PACC1: variants seen among roughly 807,000 people sequenced by gnomAD.
PACC1 encodes proton activated chloride channel 1, also known as proton-activated chloride channel.
PACC1 carries 34 observed loss-of-function variants against 39.7 expected under a neutral mutation model. The observed-to-expected ratio is 0.86, with a 90% CI of 0.65 to 1.14. The LOEUF (loss-of-function observed/expected upper bound fraction) is 1.14, where lower values mean the gene tolerates loss of function less well. Among genes scored for constraint, PACC1 ranks in the 50% most tolerant of loss-of-function variants. The pLI is 0.00. For synonymous variants in PACC1, 127 were observed against 160.6 expected, an observed-to-expected ratio of 0.79 and a Z score of 1.58; for missense variants, 379 against 436.4, an observed-to-expected ratio of 0.87 and a Z score of 1.17.
At chr1:212,366,859 G>C (rs561439526) in intron 7 of PACC1, among the ~76,000 whole-genome samples, 10 of 152,258 alleles carry the variant, frequency 6.6e-5, no homozygotes, top group African/African-American at 2.4e-4. Context: ...AGTGGTAGTG[G>C]GTGATAGCAG....
At chr1:212,407,798 G>C (rs1444719229) in intron 2 of PACC1, among the ~76,000 whole-genome samples, 2 of 152,176 alleles carry the variant, frequency 1.3e-5, no homozygotes, top group African/African-American at 4.8e-5. Flanking sequence ...ATGTAGGCCA[G>C]GTGCGGTGGC....
chr1:212,370,136 ATACTC>A (rs1422806343), intron 7 of PACC1, among the ~76,000 whole-genome samples: 1 of 152,226 alleles, frequency 6.6e-6, no homozygotes, highest in Non-Finnish European at 1.5e-5. Context: ...GATTTAAACT[ATACTC>A]TAGACCAAAT....
chr1:212,407,966 T>A (rs948000457), intron 2 of PACC1, among the ~76,000 whole-genome samples: 1 of 149,864 alleles, frequency 6.7e-6, no homozygotes, highest in Non-Finnish European at 1.5e-5. Flanking sequence ...CCCAGCTACT[T>A]GGGAGGCTGA....
rs566688305 is a variant in PACC1, at chr1:212,375,127, T to TCTATCATAATCTTAAATAATA, written c.891+45_891+65dup. 105 of 1,276,850 alleles carry TCTATCATAATCTTAAATAATA rather than the reference T, an allele frequency of 8.2e-5. No homozygotes were observed. The African/African-American group carries it at 9.7e-4, about 12-fold the overall frequency. 79.1% of individuals were successfully genotyped at this position (1,276,850 alleles called of 1,614,324 possible). A position where few individuals can be genotyped will look rare whatever the true frequency, so the allele number is the denominator to read the frequency against. ...CAGCATCATAATCTTAAATAATACA[T>TCTATCATAATCTTAAATAATA]CTATCATAATCTTAAATAATACTAT... On this transcript the variant is annotated intron_variant, in intron 7 of 7. Transcript: ENST00000261455.
At chr1:212,395,328 C>A (rs1086895) in intron 2 of PACC1, among the ~76,000 whole-genome samples, 120,117 of 152,094 alleles carry the variant, frequency 0.79, 48,460 homozygotes, top group African/African-American at 0.94. Flanking sequence ...CAAAAACAAG[C>A]AATGGGGAAA....
chr1:212,385,528 G>C, intron 3 of PACC1, 103 bp from the exon 4 acceptor site: 2 of 1,244,322 alleles, frequency 1.6e-6, no homozygotes, highest in Non-Finnish European at 2.3e-6. Flanking sequence ...GGACTCCCTG[G>C]AGGACTGCAG....
intron 2 of PACC1, among the ~76,000 whole-genome samples, chr1:212,392,655 G>C (rs1234969711): frequency 6.6e-6 from 1 of 151,832 alleles, no homozygotes; most frequent in Non-Finnish European, 1.5e-5. Flanking sequence ...AAATTGGATA[G>C]TCAAGACCCA....
intron 7 of PACC1, among the ~76,000 whole-genome samples, chr1:212,371,241 CAAA>C (rs1189603478): frequency 2.3e-5 from 2 of 88,796 alleles, no homozygotes; most frequent in Admixed American, 1.2e-4. Flanking sequence ...GACTCCATTT[CAAA>C]AAAAAAAAAA....
chr1:212,410,388 T>G lies in PACC1; in HGVS notation c.133+37A>C, dbSNP rs199889593. On this transcript the variant is annotated intron_variant, in intron 2 of 7. Transcript: ENST00000261455. ...AGGCGCCTAGACTGGGGTGTCCAGC[T>G]GCAGCAACAGCACAGCAAAGCACCA... 6.3e-6 allele frequency: 10 copies of G among 1,597,706 alleles called. No homozygotes were observed. The Admixed American group carries it at 1.7e-4, about 27-fold the overall frequency.
In PACC1 at chr1:212,387,093, G is replaced by A; in HGVS notation, c.141C>T (p.Asp47=). The stretch of plus-strand genomic sequence containing the variant: ...GGATGCTGCTGGAGGCGGACTCGCT[G>A]TCCAGGCCTGACAACAACAAAACAC... The part of the protein sequence containing the change: ...VQGPGILPGL[D]SESASSSIRF... The change falls in exon 3 of 8, where the codon GAC becomes GAT. Residue 47 remains aspartate, a synonymous_variant. Coordinates refer to ENST00000261455, the MANE Select transcript of PACC1 (RefSeq NM_018252.3). The A allele has an allele frequency of 6.2e-7, 1 of 1,613,724 alleles. No homozygotes were observed. The highest frequency in any genetic ancestry group is 1.3e-5 in the African/African-American group (1 of 75,032).
rs1363273606 is a variant in PACC1, at chr1:212,410,468, C to T, written c.90G>A (p.Gln30=). The T allele has an allele frequency of 6.2e-7, 1 of 1,614,110 alleles. No individual in the cohort carries two copies. Among genetic ancestry groups the T allele is most frequent in the Non-Finnish European group, 8.5e-7 (1 of 1,180,028 alleles). ...VVENSELADE[Q]DKETVRVQGP... ...CTTGGACTCTGACCGTCTCCTTGTC[C>T]TGCTCGTCTGCCAGCTCTGAGTTCT... The change falls in exon 2 of 8, where the codon CAG becomes CAA. Residue 30 remains glutamine, a synonymous_variant. Coordinates refer to ENST00000261455, the MANE Select transcript of PACC1 (RefSeq NM_018252.3).
intron 2 of PACC1, among the ~76,000 whole-genome samples, chr1:212,401,293 G>C (rs1661700408): frequency 6.6e-6 from 1 of 151,952 alleles, no homozygotes; most frequent in Non-Finnish European, 1.5e-5. Context: ...CACATAAAGG[G>C]CATCATATAT....
intron 2 of PACC1, among the ~76,000 whole-genome samples, chr1:212,399,325 G>C (rs1051808252): frequency 6.8e-6 from 1 of 147,030 alleles, no homozygotes; most frequent in Non-Finnish European, 1.5e-5. Flanking sequence ...ATCAGAATGA[G>C]AGAGTCTTAA....
At chr1:212,391,349 A>T (rs945730818) in intron 2 of PACC1, among the ~76,000 whole-genome samples, 4 of 152,222 alleles carry the variant, frequency 2.6e-5, no homozygotes, top group African/African-American at 9.6e-5. Context: ...GTGCACCTCC[A>T]GCAAACTCCA....
chr1:212,377,979 T>C (rs761892762), intron 5 of PACC1, among the ~76,000 whole-genome samples: 4 of 151,974 alleles, frequency 2.6e-5, no homozygotes, highest in Non-Finnish European at 5.9e-5. Flanking sequence ...GTGGGAGAAA[T>C]CTTCCTCCCT....
chr1:212,369,224 AC>A (rs1189301146), intron 7 of PACC1, among the ~76,000 whole-genome samples: 1 of 152,156 alleles, frequency 6.6e-6, no homozygotes, highest in African/African-American at 2.4e-5. Flanking sequence ...TAAAGCAAAA[AC>A]CTATAATGGA....
intron 2 of PACC1, among the ~76,000 whole-genome samples, chr1:212,401,600 T>C (rs1461271367): frequency 1.8e-5 from 2 of 112,396 alleles, no homozygotes; most frequent in Admixed American, 2.5e-4. Flanking sequence ...CACTCCAGCC[T>C]GGGCAACAGA....
chr1:212,404,396 G>A (rs757946784), intron 2 of PACC1, among the ~76,000 whole-genome samples: 6 of 151,206 alleles, frequency 4.0e-5, no homozygotes, highest in African/African-American at 7.3e-5. Context: ...ATGAGCCACC[G>A]CACCCAGCCC....
At chr1:212,370,093 C>T (rs115336691) in intron 7 of PACC1, among the ~76,000 whole-genome samples, 29 of 152,310 alleles carry the variant, frequency 1.9e-4, no homozygotes, top group African/African-American at 5.3e-4. Context: ...CAAAAATGGA[C>T]AGCTTATCTA....
Sources: allele counts gnomAD v4.1 joint callset (sites outside exome capture counted in the v4.1 genomes callset), GRCh38; gene constraint gnomAD v4.1.1; transcripts MANE v1.5; gene names NCBI Gene and HGNC (gene_info 2026-07-23, HGNC 2026-07-21).